Variants in STIM2 observed in about 807,000 individuals in gnomAD.
STIM2 encodes stromal interaction molecule 2.
In STIM2, 31 loss-of-function variants were observed where a neutral mutation model predicts 85.8. The ratio of observed to expected loss-of-function variants is 0.36; its 90% CI spans 0.27 to 0.49. STIM2 has a LOEUF of 0.49. STIM2 is among the 20% of genes least tolerant of loss of function. The probability of loss-of-function intolerance (pLI) is 0.98; values close to 1 mark genes in which losing one functional copy is unlikely to be tolerated. For synonymous variants in STIM2, 356 were observed against 331.1 expected (o/e 1.08, Z -0.82); for missense variants, 841 against 927.6 (o/e 0.91, Z 1.21).
chr4:26,863,724 A>G (rs995565402), intron 1 of STIM2, among the ~76,000 whole-genome samples: 1 of 152,136 alleles, frequency 6.6e-6, no homozygotes, highest in Non-Finnish European at 1.5e-5. Flanking sequence ...CATCAGTAAT[A>G]AGAGAACTAA....
intron 1 of STIM2, among the ~76,000 whole-genome samples, chr4:26,881,180 C>T (rs1197620721): frequency 2.6e-5 from 4 of 152,068 alleles, no homozygotes; most frequent in Non-Finnish European, 4.4e-5. Flanking sequence ...AGAGGCCAGA[C>T]GGGGGCTGGG....
rs553740887 is a variant in STIM2 at position 27,021,449 on chromosome 4, A to G, written c.1764-1070A>G. The G allele has an allele frequency of 1.3e-4, 59 of 456,614 alleles. 1 individual carries two copies. The Admixed American group carries it at 1.4e-3, about 11-fold the overall frequency. The allele number at this position is 456,614 out of a possible 1,614,324, so 28.3% of individuals were successfully genotyped here. A position where few individuals can be genotyped will look rare whatever the true frequency, so the allele number is the denominator to read the frequency against. On this transcript the variant is annotated intron_variant, in intron 11 of 11. Transcript: ENST00000467087. ...GTAGATAACACCAAGCAGAGGGAAC[A>G]GCAAATGCAGGGCCCTGAGGGGTCT...
intron 2 of STIM2, among the ~76,000 whole-genome samples, chr4:26,936,012 G>C (rs1237207003): frequency 6.6e-6 from 1 of 152,098 alleles, no homozygotes; most frequent in African/African-American, 2.4e-5. Context: ...GGAAGTCATT[G>C]ACATTCAGTT....
chr4:26,902,852 T>G (rs1019065284), intron 1 of STIM2, among the ~76,000 whole-genome samples: 2 of 152,144 alleles, frequency 1.3e-5, no homozygotes, highest in African/African-American at 4.8e-5. Context: ...GGATTGTCCG[T>G]AAGAACACTC....
At chr4:26,943,445 G>C (rs889685960) in intron 2 of STIM2, among the ~76,000 whole-genome samples, 2 of 152,204 alleles carry the variant, frequency 1.3e-5, no homozygotes, top group Admixed American at 1.3e-4. Context: ...AATTGCCCCA[G>C]TTTTGGCCAG....
intron 1 of STIM2, among the ~76,000 whole-genome samples, chr4:26,861,958 GC>G (rs1355131935): frequency 6.6e-6 from 1 of 152,152 alleles, no homozygotes; most frequent in Non-Finnish European, 1.5e-5. Flanking sequence ...GTGGAAGGAG[GC>G]CGTTTTAAGT....
chr4:26,996,196 A>G (rs1727954562), intron 4 of STIM2, among the ~76,000 whole-genome samples: 1 of 152,068 alleles, frequency 6.6e-6, no homozygotes, highest in Non-Finnish European at 1.5e-5. Context: ...TCTAAATTAT[A>G]TCTAAATTGT....
At chr4:26,886,947 G>A (rs1460216341) in intron 1 of STIM2, among the ~76,000 whole-genome samples, 1 of 152,136 alleles carries the variant, frequency 6.6e-6, no homozygotes. Flanking sequence ...AGCTATGGAG[G>A]TGGTAATAGG....
intron 3 of STIM2, among the ~76,000 whole-genome samples, chr4:26,969,048 C>T (rs529710360): frequency 1.3e-5 from 2 of 152,130 alleles, no homozygotes; most frequent in East Asian, 3.9e-4. Context: ...ATAATTGTGT[C>T]AGTTTATGGA....
chr4:26,941,197 G>C (rs73251760), intron 2 of STIM2, among the ~76,000 whole-genome samples: 1 of 152,014 alleles, frequency 6.6e-6, no homozygotes, highest in African/African-American at 2.4e-5. Flanking sequence ...TTAGGATTTC[G>C]TTCAGTCTCT....
At chr4:26,958,372 T>C (rs1726326248) in intron 3 of STIM2, among the ~76,000 whole-genome samples, 1 of 152,214 alleles carries the variant, frequency 6.6e-6, no homozygotes, top group Non-Finnish European at 1.5e-5. Context: ...AAATTCCTTC[T>C]TTCTAATGCT....
chr4:27,008,700 T>G, intron 9 of STIM2, 64 bp from the exon 10 acceptor site: 1 of 1,507,452 alleles, frequency 6.6e-7, no homozygotes, highest in Non-Finnish European at 9.2e-7. Flanking sequence ...ATGTATTGCC[T>G]TTTTTCAGTG....
chr4:26,947,206 GTTC>G (rs754666931), intron 2 of STIM2, among the ~76,000 whole-genome samples: 30 of 152,050 alleles, frequency 2.0e-4, no homozygotes, highest in Admixed American at 3.3e-4. Flanking sequence ...GAGGGATGCT[GTTC>G]TTCTTTCATC....
chr4:27,001,902 C>T (rs534820338), intron 5 of STIM2, among the ~76,000 whole-genome samples: 2 of 152,284 alleles, frequency 1.3e-5, no homozygotes, highest in East Asian at 3.9e-4. Flanking sequence ...GAGGACCATT[C>T]TGGCAGCATA....
intron 1 of STIM2, among the ~76,000 whole-genome samples, chr4:26,865,534 G>A (rs1202569422): frequency 1.3e-5 from 2 of 152,144 alleles, no homozygotes; most frequent in Non-Finnish European, 2.9e-5. Flanking sequence ...TGATATCAAG[G>A]ATTTTTGATA....
intron 1 of STIM2, among the ~76,000 whole-genome samples, chr4:26,878,928 G>A (rs1264078917): frequency 6.6e-6 from 1 of 152,118 alleles, no homozygotes; most frequent in Non-Finnish European, 1.5e-5. Context: ...ACCCCTGTGG[G>A]CCAGTCACCT....
intron 2 of STIM2, among the ~76,000 whole-genome samples, chr4:26,942,929 T>C (rs965366862): frequency 1.3e-5 from 2 of 152,262 alleles, no homozygotes; most frequent in East Asian, 3.9e-4. Flanking sequence ...TCTACTTAGA[T>C]ATCTATTAGT....
chr4:27,019,627 C>G, intron 11 of STIM2: 1 of 481,344 alleles, frequency 2.1e-6, no homozygotes, highest in South Asian at 1.9e-5. Context: ...TTTTCAGTCT[C>G]TCCTCTATTG....
In STIM2 at chr4:27,003,020, G is replaced by A; in HGVS notation, c.897G>A (p.Glu299=). Residue 299 remains glutamate (E), a synonymous_variant, in exon 7 of 12, where the codon GAG becomes GAA. Coordinates refer to ENST00000467087, the MANE Select transcript of STIM2 (RefSeq NM_020860.4). Reference sequence around the variant, plus strand: ...TGGATGAAATCAATTATGCAAAGGAGGAGGCTTGTCGGCTGAGAGAGCTAA... The same window carrying A: ...TGGATGAAATCAATTATGCAAAGGAAGAGGCTTGTCGGCTGAGAGAGCTAA... The A allele has an allele frequency of 6.2e-7, 1 of 1,604,428 alleles. No homozygotes were observed. The highest frequency in any genetic ancestry group is 8.5e-7 in the Non-Finnish European group (1 of 1,176,658).
Sources: gnomAD v4.1 joint callset for allele counts (sites outside exome capture counted in the v4.1 genomes callset) on GRCh38, gnomAD v4.1.1 for gene constraint, MANE v1.5 for transcripts, NCBI Gene and HGNC (gene_info 2026-07-23, HGNC 2026-07-21) for gene names.